Variants in SFMBT1 observed in about 807,000 individuals in gnomAD.
The protein encoded by SFMBT1 is Scm like with four mbt domains 1.
A neutral mutation model predicts 108.7 loss-of-function variants in SFMBT1; 32 were observed. That is an observed-to-expected ratio of 0.29 (90% CI 0.22 to 0.40). SFMBT1 has a LOEUF of 0.40. Among genes scored for constraint, SFMBT1 ranks in the 10% least tolerant of loss-of-function variants. SFMBT1 has a pLI of 1.00. For missense variants in SFMBT1, 816 were observed against 1,059.6 expected (o/e 0.77, Z 3.19); for synonymous variants, 348 against 369.5 (o/e 0.94, Z 0.67).
intron 1 of SFMBT1, among the ~76,000 whole-genome samples, chr3:53,032,444 G>T (rs1231903295): frequency 1.3e-5 from 2 of 152,170 alleles, no homozygotes; most frequent in Admixed American, 1.3e-4. Context: ...AAGTGGAAAA[G>T]TGGTAGAGGT....
intron 2 of SFMBT1, among the ~76,000 whole-genome samples, chr3:52,960,965 G>A (rs2581803): frequency 0.61 from 93,306 of 152,004 alleles, 29,062 homozygotes; most frequent in South Asian, 0.82. Context: ...GGGAAATCTC[G>A]TGTCTACAAA....
chr3:53,028,292 T>A (rs975461072), intron 1 of SFMBT1, among the ~76,000 whole-genome samples: 2 of 152,146 alleles, frequency 1.3e-5, no homozygotes, highest in South Asian at 4.1e-4. Flanking sequence ...ATGTTGCCCA[T>A]GCTGGTCTCG....
chr3:52,915,958 C>A (rs72961711), intron 14 of SFMBT1, among the ~76,000 whole-genome samples, 192 bp downstream of exon 14: 2 of 152,226 alleles, frequency 1.3e-5, no homozygotes, highest in East Asian at 3.9e-4. Context: ...TAGAAATGGA[C>A]GGAACTATCA....
At chr3:52,946,342 G>A (rs1703363999) in intron 3 of SFMBT1, among the ~76,000 whole-genome samples, 1 of 152,214 alleles carries the variant, frequency 6.6e-6, no homozygotes, top group Non-Finnish European at 1.5e-5. Context: ...TGTGTAAAAA[G>A]TCCTCCCCCG....
intron 5 of SFMBT1, among the ~76,000 whole-genome samples, chr3:52,933,500 TTACATATCCAGATATGC>T (rs562522165): frequency 9.4e-4 from 143 of 152,288 alleles, no homozygotes; most frequent in African/African-American, 2.7e-3. Flanking sequence ...TCTGTGACAC[TTACATATCCAGATATGC>T]AAAGGGACAT....
At chr3:52,942,594 C>T (rs1039916196) in intron 4 of SFMBT1, among the ~76,000 whole-genome samples, 13 of 152,326 alleles carry the variant, frequency 8.5e-5, no homozygotes, top group Middle Eastern at 3.4e-3. Context: ...CTCAATGCAA[C>T]GGCCGCCTCC....
At chr3:52,943,294 C>T in intron 4 of SFMBT1, 59 bp downstream of exon 4, 1 of 1,608,300 alleles carries the variant, frequency 6.2e-7, no homozygotes, top group Admixed American at 1.7e-5. Flanking sequence ...AGACTGTGGA[C>T]AATCCAAATT....
intron 10 of SFMBT1, among the ~76,000 whole-genome samples, chr3:52,922,501 T>A (rs1418063845): frequency 6.6e-6 from 1 of 152,178 alleles, no homozygotes; most frequent in African/African-American, 2.4e-5. Context: ...AAGATGGATA[T>A]AACAGGAAAG....
chr3:52,920,446 T>C (rs1025850782), intron 12 of SFMBT1, 91 bp downstream of exon 12: 2 of 877,484 alleles, frequency 2.3e-6, no homozygotes, highest in East Asian at 2.6e-5. Flanking sequence ...TCATTTTTTT[T>C]CTCTGAAATG....
intron 2 of SFMBT1, among the ~76,000 whole-genome samples, chr3:52,960,799 AT>A (rs1188076052): frequency 6.6e-6 from 1 of 152,212 alleles, no homozygotes; most frequent in African/African-American, 2.4e-5. Flanking sequence ...AACAAAATGA[AT>A]GTGGTATATA....
intron 3 of SFMBT1, among the ~76,000 whole-genome samples, chr3:52,946,240 G>C (rs1381308114): frequency 6.6e-6 from 1 of 152,158 alleles, no homozygotes; most frequent in African/African-American, 2.4e-5. Context: ...AGACTATGAA[G>C]ACATGACAAA....
At chr3:52,943,945 T>C (rs1485465444) in intron 3 of SFMBT1, among the ~76,000 whole-genome samples, 3 of 152,226 alleles carry the variant, frequency 2.0e-5, no homozygotes, top group Admixed American at 1.3e-4. Context: ...AGGAAATTTA[T>C]GATGCTAGAA....
intron 6 of SFMBT1, 23 bp downstream of exon 6, chr3:52,932,039 A>G (rs1249996963): frequency 2.5e-6 from 4 of 1,603,134 alleles, no homozygotes; most frequent in Non-Finnish European, 3.4e-6. Flanking sequence ...GTCACAGAAG[A>G]AAAATGTCCT....
Position 52,913,463 on chromosome 3 carries a change from A to AGGCCAGAACCTTACCTCTCTAAG in SFMBT1, c.1612_1620+14dup. 1 of 1,605,264 alleles carries AGGCCAGAACCTTACCTCTCTAAG rather than the reference A, an allele frequency of 6.2e-7. No individual in the cohort carries two copies. The highest frequency in any genetic ancestry group is 8.5e-7 in the Non-Finnish European group (1 of 1,177,632). Reference sequence around the variant, plus strand: ...TGAAATTTCCAAGTTATTTTGCTCTAGGCCAGAACCTTACCTCTCTAAGGA... The same window carrying AGGCCAGAACCTTACCTCTCTAAG: ...TGAAATTTCCAAGTTATTTTGCTCTAGGCCAGAACCTTACCTCTCTAAGGGCCAGAACCTTACCTCTCTAAGGA... On this transcript the variant is annotated intron_variant, in intron 15 of 20. Transcript: ENST00000394752.
chr3:52,911,702 C>T (rs1008587686), intron 16 of SFMBT1, among the ~76,000 whole-genome samples: 8 of 152,128 alleles, frequency 5.3e-5, no homozygotes, highest in African/African-American at 1.7e-4. Flanking sequence ...TTTCTTATTT[C>T]CTTTTTGTTT....
chr3:53,024,443 A>G (rs116347702), intron 1 of SFMBT1, among the ~76,000 whole-genome samples: 1 of 149,982 alleles, frequency 6.7e-6, no homozygotes, highest in Non-Finnish European at 1.5e-5. Flanking sequence ...AATGGCGAGG[A>G]TATCTGAGAG....
chr3:53,002,798 T>C (rs1454389930), intron 1 of SFMBT1, among the ~76,000 whole-genome samples: 2 of 150,398 alleles, frequency 1.3e-5, no homozygotes, highest in South Asian at 2.1e-4. Context: ...ATTCATTAAC[T>C]TTCAAAGCAA....
chr3:52,930,417 A>G lies in SFMBT1; in HGVS notation c.809T>C (p.Ile270Thr), dbSNP rs188260557. ...GTTTACAGAGAATGTATGAATGCCA[A>G]TAACTTGTTTGTCCTGAAATGCAGA... ...PSYLFKDKQV[I>T]GIHTFSVNMK... Residue 270 changes from isoleucine (I) to threonine (T), a missense_variant, in exon 8 of 21, where the codon ATT becomes ACT. Physicochemically the swap from Ile to Thr is moderately conservative, Grantham distance 89 (BLOSUM62 -1). Coordinates refer to ENST00000394752, the MANE Select transcript of SFMBT1 (RefSeq NM_016329.4). The G allele has an allele frequency of 9.9e-5, 160 of 1,611,080 alleles. 3 individuals carry two copies. The East Asian group carries it at 1.4e-3, about 14-fold the overall frequency.
At chr3:52,905,302 T>C in intron 20 of SFMBT1, 26 bp from the exon 21 acceptor site, 1 of 1,608,922 alleles carries the variant, frequency 6.2e-7, no homozygotes, top group Non-Finnish European at 8.5e-7. Flanking sequence ...AGACAAATTA[T>C]CTGTGATGTG....
Sources: allele counts gnomAD v4.1 joint callset (sites outside exome capture counted in the v4.1 genomes callset), GRCh38; gene constraint gnomAD v4.1.1; transcripts MANE v1.5; gene names NCBI Gene and HGNC (gene_info 2026-07-23, HGNC 2026-07-21).